The following PCDH15 variants were observed in gnomAD, a reference collection of about 807,000 sequenced individuals.
The protein encoded by PCDH15 is protocadherin-15.
PCDH15 carries 129 observed loss-of-function variants against 178.5 expected under a neutral mutation model. That is an observed-to-expected ratio of 0.72 (90% CI 0.63 to 0.84). The LOEUF is 0.84. Ranked by LOEUF, PCDH15 falls within the 40% of genes least tolerant of loss-of-function variation. The pLI is 0.00. For missense variants in PCDH15, 2,230 were observed against 2,099.9 expected, an observed-to-expected ratio of 1.06 and a Z score of -1.21; for synonymous variants, 800 against 732.0, an observed-to-expected ratio of 1.09 and a Z score of -1.50.
At chr10:55,382,045 C>T (rs1386482114) in intron 2 of PCDH15, among the ~76,000 whole-genome samples, 1 of 152,116 alleles carries the variant, frequency 6.6e-6, no homozygotes, top group Non-Finnish European at 1.5e-5. Flanking sequence ...GTCATCCTAC[C>T]CTCAGCAATA....
rs1838573376 is a variant in PCDH15, at chr10:55,419,723, C to A, written c.-156+207902G>T. Among the ~76,000 whole-genome samples, 3 of 151,638 alleles carry A rather than the reference C, an allele frequency of 2.0e-5. No individual in the cohort carries two copies. The Admixed American group carries it at 2.0e-4, about 10-fold the overall frequency. On this transcript the variant is annotated intron_variant, in intron 2 of 5. Coordinates refer to the PCDH15 transcript ENST00000613346. ...TCTGTACACACTACTATAGCACATA[C>A]CCATTTCTTTCATATTATCTATAGT...
chr10:54,607,271 A>C (rs2092783549), intron 2 of PCDH15, among the ~76,000 whole-genome samples: 1 of 152,132 alleles, frequency 6.6e-6, no homozygotes, highest in Non-Finnish European at 1.5e-5. Context: ...AAGATTTAAA[A>C]TTGAGTTTAT....
rs141927835 is a variant in PCDH15 at position 55,536,208 on chromosome 10, A to G, written c.-156+91417T>C. On this transcript the variant is annotated intron_variant, in intron 2 of 5. Transcript: ENST00000613346. ...TTTAAAACATCAAGATATGAAACTGATATGTGCCACTAATCCTCTAATTTT... is the reference window on the plus strand; with the variant it reads ...TTTAAAACATCAAGATATGAAACTGGTATGTGCCACTAATCCTCTAATTTT... 4.0e-3 allele frequency among the ~76,000 whole-genome samples: 616 copies of G among 152,238 alleles called. 8 individuals are homozygous for G. The highest frequency in any genetic ancestry group is 0.014 in the African/African-American group (584 of 41,570).
intron 2 of PCDH15, among the ~76,000 whole-genome samples, chr10:55,453,529 T>C (rs532142226): frequency 2.0e-5 from 3 of 152,254 alleles, no homozygotes; most frequent in African/African-American, 7.2e-5. Flanking sequence ...CACTTCCTTT[T>C]CCTGAACTTT....
intron 2 of PCDH15, among the ~76,000 whole-genome samples, chr10:54,652,810 T>C (rs2094292076): frequency 6.6e-6 from 1 of 152,210 alleles, no homozygotes; most frequent in African/African-American, 2.4e-5. Context: ...TAAATTTCTG[T>C]TGTTTAAGCC....
intron 3 of PCDH15, among the ~76,000 whole-genome samples, chr10:54,388,879 G>T (rs376278920): frequency 6.6e-6 from 1 of 152,146 alleles, no homozygotes; most frequent in Non-Finnish European, 1.5e-5. Flanking sequence ...ATAAAAGTGG[G>T]TTTAATGCCA....
At chr10:54,396,006 T>C (rs1951170569) in intron 3 of PCDH15, among the ~76,000 whole-genome samples, 2 of 152,140 alleles carry the variant, frequency 1.3e-5, no homozygotes, top group African/African-American at 4.8e-5. Flanking sequence ...TTTGTTGAGC[T>C]GAAGGCAATT....
chr10:54,269,383 G>C (rs1010593352), intron 8 of PCDH15, among the ~76,000 whole-genome samples: 6 of 151,910 alleles, frequency 3.9e-5, no homozygotes, highest in African/African-American at 1.4e-4. Flanking sequence ...ACTGTGAAGA[G>C]GGGATAACAC....
chr10:54,865,668 A>G (rs1953926054), intron 3 of PCDH15, among the ~76,000 whole-genome samples: 1 of 152,198 alleles, frequency 6.6e-6, no homozygotes, highest in Non-Finnish European at 1.5e-5. Context: ...GAGCCAAACC[A>G]TATCACAATG....
At chr10:54,733,370 C>T (rs1007019205) in intron 1 of PCDH15, among the ~76,000 whole-genome samples, 4 of 151,386 alleles carry the variant, frequency 2.6e-5, no homozygotes, top group Non-Finnish European at 5.9e-5. Flanking sequence ...ATACCATGTA[C>T]AATATCATAA....
chr10:54,779,436 G>GTT (rs1555192729), intron 1 of PCDH15, among the ~76,000 whole-genome samples: 1 of 82,282 alleles, frequency 1.2e-5, no homozygotes, highest in Non-Finnish European at 2.5e-5. Context: ...ACACATATGT[G>GTT]TATATATATA....
At chr10:55,246,365 C>A (rs1340955702) in intron 1 of PCDH15, among the ~76,000 whole-genome samples, 1 of 152,064 alleles carries the variant, frequency 6.6e-6, no homozygotes, top group African/African-American at 2.4e-5. Context: ...AGAATAAATA[C>A]ACGTTATCTG....
intron 1 of PCDH15, among the ~76,000 whole-genome samples, chr10:54,798,698 G>T (rs1345730687): frequency 1.3e-5 from 2 of 152,028 alleles, no homozygotes; most frequent in Non-Finnish European, 2.9e-5. Flanking sequence ...TGGTCTCTTT[G>T]TTTAGATTAT....
At chr10:55,039,215 A>C (rs556234751) in intron 2 of PCDH15, among the ~76,000 whole-genome samples, 5 of 152,244 alleles carry the variant, frequency 3.3e-5, no homozygotes, top group African/African-American at 1.2e-4. Flanking sequence ...AAAAGAGAGA[A>C]AGGTAAAAAA....
intron 3 of PCDH15, among the ~76,000 whole-genome samples, chr10:54,443,848 C>G (rs553835905): frequency 6.6e-6 from 1 of 151,720 alleles, no homozygotes; most frequent in African/African-American, 2.4e-5. Context: ...TGTCTCTTTT[C>G]CCAGCTCATA....
intron 1 of PCDH15, among the ~76,000 whole-genome samples, chr10:54,797,462 C>T (rs1257624462): frequency 6.6e-6 from 1 of 150,842 alleles, no homozygotes; most frequent in Non-Finnish European, 1.5e-5. Flanking sequence ...TGCTCAGAAA[C>T]TTTTACTCTT....
At chr10:54,625,926 T>C (rs138587464) in intron 2 of PCDH15, among the ~76,000 whole-genome samples, 1,815 of 152,224 alleles carry the variant, frequency 0.012, 39 homozygotes, top group African/African-American at 0.042. Context: ...AAAATGCTGA[T>C]AGTGATATGA....
chr10:54,191,324 C>T (rs138161762), intron 11 of PCDH15, among the ~76,000 whole-genome samples: 242 of 152,116 alleles, frequency 1.6e-3, no homozygotes, highest in African/African-American at 4.6e-3. Flanking sequence ...TAATGAATAC[C>T]GTGGAAAGAT....
intron 1 of PCDH15, among the ~76,000 whole-genome samples, chr10:54,732,585 C>G (rs1279885232): frequency 6.6e-6 from 1 of 151,464 alleles, no homozygotes; most frequent in Non-Finnish European, 1.5e-5. Context: ...TCTGGATGGA[C>G]TCACTGGGGA....
Sources: gnomAD v4.1 joint callset for allele counts (sites outside exome capture counted in the v4.1 genomes callset) on GRCh38, gnomAD v4.1.1 for gene constraint, MANE v1.5 for transcripts, NCBI Gene and HGNC (gene_info 2026-07-23, HGNC 2026-07-21) for gene names.